NRF1: variants seen among roughly 807,000 people sequenced by gnomAD.
NRF1 encodes alpha palindromic-binding protein.
Under a neutral mutation model 58.5 loss-of-function variants are expected in NRF1, and 5 were observed. That is an observed-to-expected ratio of 0.09 (90% CI 0.04 to 0.18). NRF1 has a LOEUF of 0.18. NRF1 is among the 10% of genes least tolerant of loss of function. NRF1 has a pLI of 1.00. For missense variants in NRF1, 288 were observed against 657.7 expected (o/e 0.44, Z 6.15); for synonymous variants, 224 against 246.7 (o/e 0.91, Z 0.86).
At chr7:129,729,040 T>G (rs1032730743) in intron 10 of NRF1, among the ~76,000 whole-genome samples, 1 of 152,238 alleles carries the variant, frequency 6.6e-6, no homozygotes, top group Non-Finnish European at 1.5e-5. Flanking sequence ...GGGTAGGATA[T>G]CTGGCTTATG....
rs1469393046 is a variant in NRF1, at chr7:129,667,740, GGTATTTAT to G, written c.224-3688_224-3681del. Among the ~76,000 whole-genome samples the G allele has an allele frequency of 4.8e-5, 6 of 123,938 alleles. No individual in the cohort carries two copies. In the Admixed American group the frequency reaches 5.9e-4, roughly 12 times the overall value. 81.3% of individuals were successfully genotyped at this position (123,938 alleles called of 152,430 possible). On this transcript the variant is annotated intron_variant, in intron 2 of 10. Transcript: ENST00000393232. ...AATTTTTTTAATTTTCAATTTTAAA[GGTATTTAT>G]TTATTTATTTATTTATTTATTTATT... is the stretch of plus-strand genomic sequence containing the variant.
intron 1 of NRF1, among the ~76,000 whole-genome samples, chr7:129,619,486 GTGTGTA>G (rs1488569429): frequency 0.017 from 536 of 32,214 alleles, 2 homozygotes; most frequent in East Asian, 0.11. Flanking sequence ...GTGTGTGTGT[GTGTGTA>G]TATATATATA....
intron 5 of NRF1, among the ~76,000 whole-genome samples, chr7:129,703,226 A>G (rs1277142188): frequency 6.6e-6 from 1 of 152,164 alleles, no homozygotes; most frequent in Non-Finnish European, 1.5e-5. Flanking sequence ...TGACCAAGCT[A>G]GAGTACCTTA....
chr7:129,682,295 C>CA (rs1462528243), intron 4 of NRF1, among the ~76,000 whole-genome samples: 1 of 151,720 alleles, frequency 6.6e-6, no homozygotes, highest in Non-Finnish European at 1.5e-5. Flanking sequence ...TTCATCTCTA[C>CA]AAAAAATTTA....
At chr7:129,620,562 A>G (rs1790620626) in intron 1 of NRF1, among the ~76,000 whole-genome samples, 1 of 151,624 alleles carries the variant, frequency 6.6e-6, no homozygotes, top group Non-Finnish European at 1.5e-5. Flanking sequence ...CTAATTTTTT[A>G]TTTTTAGTAG....
At chr7:129,717,692 C>T (rs928168839) in intron 9 of NRF1, among the ~76,000 whole-genome samples, 2 of 152,094 alleles carry the variant, frequency 1.3e-5, no homozygotes, top group African/African-American at 4.8e-5. Context: ...AGATCATCTC[C>T]GCATCATTCT....
At chr7:129,721,864 A>G (rs559618618) in intron 9 of NRF1, among the ~76,000 whole-genome samples, 1 of 152,284 alleles carries the variant, frequency 6.6e-6, no homozygotes, top group East Asian at 1.9e-4. Context: ...ATACGGAGTG[A>G]TATTTGTCCA....
intron 1 of NRF1, among the ~76,000 whole-genome samples, chr7:129,646,323 G>A (rs931063067): frequency 6.6e-6 from 1 of 152,212 alleles, no homozygotes; most frequent in Admixed American, 6.5e-5. Flanking sequence ...AGCACTGTAT[G>A]AGTAATTTTG....
chr7:129,742,275 T>TAAAAAAAAAAAAAAAAA (rs71167214), intron 10 of NRF1, among the ~76,000 whole-genome samples: 1 of 126,786 alleles, frequency 7.9e-6, no homozygotes. Context: ...TGAAATTGAT[T>TAAAAAAAAAAAAAAAAA]AAAAAAAAAA....
At chr7:129,649,921 T>C (rs1264989482) in intron 1 of NRF1, among the ~76,000 whole-genome samples, 2 of 152,062 alleles carry the variant, frequency 1.3e-5, no homozygotes, top group Non-Finnish European at 2.9e-5. Context: ...GCCCAGCTAA[T>C]TTTTCATTTT....
At position 129,755,272 on chromosome 7, in the gene NRF1, G is replaced by A. The variant is rs953259407; in HGVS notation, c.*91G>A. 2.2e-5 allele frequency: 25 copies of A among 1,146,578 alleles called. No homozygotes were observed. The highest frequency in any genetic ancestry group is 5.8e-5 in the South Asian group (2 of 34,332). 71.0% of individuals were successfully genotyped at this position (1,146,578 alleles called of 1,614,324 possible). On this transcript the variant is annotated 3_prime_UTR_variant, in exon 11 of 11. Transcript: ENST00000393232. This position sits in a 1 kb window ranked among gnomAD's most constrained non-coding sequence, Gnocchi z 5.8. ...GCAATCAAATGGAATTAAGTCTCTC[G>A]ACTTTGGAAGGAAAGTTTTGTTAAC... is the stretch of plus-strand genomic sequence containing the variant.
intron 9 of NRF1, among the ~76,000 whole-genome samples, chr7:129,721,000 A>G (rs1803309375): frequency 6.6e-6 from 1 of 151,950 alleles, no homozygotes; most frequent in African/African-American, 2.4e-5. Flanking sequence ...GTATATACAT[A>G]CATACATATA....
intron 1 of NRF1, among the ~76,000 whole-genome samples, chr7:129,645,592 A>G (rs1801387374): frequency 6.6e-6 from 1 of 152,130 alleles, no homozygotes; most frequent in Non-Finnish European, 1.5e-5. Flanking sequence ...TTGCTACCAC[A>G]TTTTCTTTGG....
chr7:129,688,144 A>T (rs1802483239), intron 4 of NRF1, among the ~76,000 whole-genome samples: 1 of 152,116 alleles, frequency 6.6e-6, no homozygotes, highest in South Asian at 2.1e-4. Flanking sequence ...AAAATTATTT[A>T]TTTTTGAGAC....
At chr7:129,642,801 T>C (rs2151068477) in intron 1 of NRF1, among the ~76,000 whole-genome samples, 2 of 147,810 alleles carry the variant, frequency 1.4e-5, no homozygotes, top group East Asian at 2.5e-4. Context: ...CCCATTGTTT[T>C]CCAGGCTGGA....
chr7:129,661,323 C>T (rs1245354769), intron 2 of NRF1, among the ~76,000 whole-genome samples: 1 of 151,358 alleles, frequency 6.6e-6, no homozygotes, highest in African/African-American at 2.5e-5. Flanking sequence ...GTTGCTTATG[C>T]AAATTTCTGC....
intron 5 of NRF1, among the ~76,000 whole-genome samples, chr7:129,695,517 A>G (rs554987553): frequency 2.0e-5 from 3 of 151,144 alleles, no homozygotes; most frequent in Middle Eastern, 3.4e-3. Context: ...CGGAGGTTAC[A>G]TTGAGCCGAG....
chr7:129,668,707 C>T (rs1421581045), intron 2 of NRF1, among the ~76,000 whole-genome samples: 1 of 152,136 alleles, frequency 6.6e-6, no homozygotes, highest in Non-Finnish European at 1.5e-5. Context: ...AATCTAGAAA[C>T]ATTATTCTAA....
chr7:129,700,415 AG>A (rs1488581638), intron 5 of NRF1, among the ~76,000 whole-genome samples: 5 of 152,166 alleles, frequency 3.3e-5, no homozygotes, highest in African/African-American at 1.2e-4. Flanking sequence ...GGATGGATCT[AG>A]GCATCTGCAA....
Sources: gnomAD v4.1 joint callset for allele counts (sites outside exome capture counted in the v4.1 genomes callset) on GRCh38, gnomAD v4.1.1 for gene constraint, Gnocchi (gnomAD v3.1) non-coding constraint, MANE v1.5 for transcripts, NCBI Gene and HGNC (gene_info 2026-07-23, HGNC 2026-07-21) for gene names.